The following AVEN variants were observed in gnomAD, a reference collection of about 807,000 sequenced individuals.
AVEN encodes the protein cell death regulator Aven.
AVEN carries 41 observed loss-of-function variants against 38.1 expected under a neutral mutation model. The ratio of observed to expected loss-of-function variants is 1.08; its 90% confidence interval spans 0.84 to 1.40. The LOEUF is 1.40. Among genes scored for constraint, AVEN ranks in the 40% most tolerant of loss-of-function variants. AVEN has a pLI of 0.00. For missense variants in AVEN, 605 were observed against 438.8 expected (o/e 1.38, Z -3.38); for synonymous variants, 206 against 171.8 (o/e 1.20, Z -1.56).
chr15:33,857,477 C>T (rs565784896), downstream of AVEN, among the ~76,000 whole-genome samples: 1 of 152,114 alleles, frequency 6.6e-6, no homozygotes, highest in Non-Finnish European at 1.5e-5. Flanking sequence ...TCTCCAAATA[C>T]AGTCACATTC....
At chr15:33,868,896 T>C (rs1890817158) in intron 4 of AVEN, among the ~76,000 whole-genome samples, 1 of 152,136 alleles carries the variant, frequency 6.6e-6, no homozygotes, top group Admixed American at 6.5e-5. Flanking sequence ...TATACTTTAA[T>C]AAAAGTTACA....
At chr15:34,005,968 GATATA>G (rs1478686679) in intron 1 of AVEN, among the ~76,000 whole-genome samples, 1 of 152,142 alleles carries the variant, frequency 6.6e-6, no homozygotes, top group African/African-American at 2.4e-5. Context: ...AGATTAAAGA[GATATA>G]ATAGAATCTG....
chr15:33,917,546 TCA>T (rs1302671686), intron 2 of AVEN, among the ~76,000 whole-genome samples: 4 of 120,656 alleles, frequency 3.3e-5, no homozygotes, highest in East Asian at 2.5e-4. Flanking sequence ...TATATATCAA[TCA>T]CACATGTGTA....
At chr15:33,998,832 C>A (rs1897034367) in intron 2 of AVEN, among the ~76,000 whole-genome samples, 1 of 152,190 alleles carries the variant, frequency 6.6e-6, no homozygotes, top group Non-Finnish European at 1.5e-5. Context: ...TTCCCCTAAA[C>A]TCTAGACACT....
chr15:33,874,253 A>G (rs1891129109), intron 3 of AVEN, among the ~76,000 whole-genome samples: 1 of 152,068 alleles, frequency 6.6e-6, no homozygotes, highest in South Asian at 2.1e-4. Context: ...CCTCCATTTT[A>G]CAGGTGAAGC....
intron 2 of AVEN, among the ~76,000 whole-genome samples, chr15:33,930,569 T>C (rs1455765388): frequency 6.6e-6 from 1 of 152,198 alleles, no homozygotes; most frequent in Non-Finnish European, 1.5e-5. Context: ...ATATACTTTC[T>C]TACGAAATCT....
chr15:33,921,833 ATAT>A (rs1209967497), intron 2 of AVEN, among the ~76,000 whole-genome samples: 1 of 152,200 alleles, frequency 6.6e-6, no homozygotes, highest in African/African-American at 2.4e-5. Flanking sequence ...TGACCTGGCT[ATAT>A]TATTATTGTC....
chr15:34,067,527 TG>T (rs1900541539), intron 2 of AVEN: 1 of 152,224 alleles, frequency 6.6e-6, no homozygotes, highest in Non-Finnish European at 1.5e-5. Context: ...CCATCTATAT[TG>T]GGTTTCCCAC....
intron 5 of AVEN, chr15:34,046,600 C>G (rs922551384): frequency 1.3e-5 from 2 of 152,168 alleles, no homozygotes; most frequent in African/African-American, 4.8e-5. Context: ...TCAGTAGCAT[C>G]AAGAATACTC....
intron 2 of AVEN, among the ~76,000 whole-genome samples, chr15:33,945,885 C>T (rs1264738737): frequency 6.6e-6 from 1 of 151,912 alleles, no homozygotes; most frequent in Non-Finnish European, 1.5e-5. Context: ...TCCCCTGGCC[C>T]GAAAATGTTT....
intron 2 of AVEN, among the ~76,000 whole-genome samples, chr15:33,975,242 A>T (rs1895834676): frequency 6.6e-6 from 1 of 152,190 alleles, no homozygotes. Flanking sequence ...ATTCACAAAG[A>T]TATTCTTCTC....
chr15:33,886,515 G>T (rs893660965), intron 2 of AVEN, among the ~76,000 whole-genome samples: 2 of 152,156 alleles, frequency 1.3e-5, no homozygotes, highest in African/African-American at 4.8e-5. Context: ...ATGTTAGCCA[G>T]GATGGTCTCG....
rs1245948944 is a variant in AVEN at position 34,063,705 on chromosome 15, A to G, written n.1127-273T>C. 1.2e-6 allele frequency: 2 copies of G among 1,614,066 alleles called. No individual in the cohort carries two copies. Among genetic ancestry groups the G allele is most frequent in the African/African-American group, 2.7e-5 (2 of 74,916 alleles). ...CCAAGTGGTCTACAAGAGTCAGGGT[A>G]AGGAAAGCCCAGGGGAAGAATTCAG... On this transcript the variant is annotated intron_variant and non_coding_transcript_variant, in intron 4 of 11. Coordinates refer to the AVEN transcript ENST00000675287. This position sits in a 1 kb window ranked among gnomAD's most constrained non-coding sequence, Gnocchi z 4.1.
downstream of AVEN, chr15:33,864,248 TAGTAGGGCATAGGTTATCTGAAATAC>T: frequency 7.7e-7 from 1 of 1,304,372 alleles, no homozygotes; most frequent in South Asian, 1.3e-5. Flanking sequence ...TCTTGAGACT[TAGTAGGGCATAGGTTATCTGAAATAC>T]ATACATGGCC....
intron 1 of AVEN, among the ~76,000 whole-genome samples, chr15:34,014,973 C>G (rs949274163): frequency 1.3e-5 from 2 of 152,082 alleles, no homozygotes; most frequent in African/African-American, 4.8e-5. Context: ...ATTTGAGAAG[C>G]AGGGACCATC....
chr15:34,049,566 C>T (rs1395148135), intron 5 of AVEN, among the ~76,000 whole-genome samples: 2 of 152,032 alleles, frequency 1.3e-5, no homozygotes, highest in Non-Finnish European at 2.9e-5. Context: ...GATTGGGGTA[C>T]CTGAAAGAGA....
downstream of AVEN, chr15:33,854,466 G>GA: frequency 1.3e-6 from 2 of 1,549,800 alleles, no homozygotes; most frequent in African/African-American, 1.4e-5. Context: ...ACTGCACCTG[G>GA]AAAAACAAAA....
intron 2 of AVEN, among the ~76,000 whole-genome samples, chr15:33,895,890 T>G (rs1892214580): frequency 6.6e-6 from 1 of 152,174 alleles, no homozygotes; most frequent in Admixed American, 6.5e-5. Flanking sequence ...AGGGATCAAA[T>G]GTACCCTCCT....
intron 2 of AVEN, among the ~76,000 whole-genome samples, chr15:33,980,321 G>A (rs977559625): frequency 2.6e-5 from 4 of 152,052 alleles, no homozygotes; most frequent in African/African-American, 9.7e-5. Context: ...AAGAATCATC[G>A]CACTGGTAAT....
Sources: gnomAD v4.1 joint callset for allele counts (sites outside exome capture counted in the v4.1 genomes callset) on GRCh38, gnomAD v4.1.1 for gene constraint, Gnocchi (gnomAD v3.1) non-coding constraint, MANE v1.5 for transcripts, NCBI Gene and HGNC (gene_info 2026-07-23, HGNC 2026-07-21) for gene names.